The following CES1 variants were observed in gnomAD, a reference collection of about 807,000 sequenced individuals.
The protein encoded by CES1 is carboxylesterase 1.
In CES1, 50 loss-of-function variants were observed where a neutral mutation model predicts 53.0. The observed-to-expected ratio is 0.94, with a 90% CI of 0.75 to 1.19. The LOEUF (loss-of-function observed/expected upper bound fraction) is 1.19, where lower values mean the gene tolerates loss of function less well. Ranked by LOEUF, CES1 falls within the 50% of genes most tolerant of loss-of-function variation. The probability of loss-of-function intolerance (pLI) is 0.00; values close to 1 mark genes in which losing one functional copy is unlikely to be tolerated. For missense variants in CES1, 534 were observed against 538.0 expected (o/e 0.99, Z 0.07); for synonymous variants, 202 against 210.1 (o/e 0.96, Z 0.33).
chr16:55,828,910 G>A lies in CES1; in HGVS notation c.117C>T (p.Val39=), dbSNP rs756862012. ...TVHGKVLGKF[V]SLEGFAQPVA... is the part of the protein sequence containing the mutation. ...CAGGCTGTGCAAATCCTTCTAAGCT[G>A]ACGAACTTCCCCAGCACTTTGCCAT... Residue 39 remains valine (V), a synonymous_variant, in exon 2 of 14, where the codon GTC becomes GTT. Coordinates refer to ENST00000360526, the MANE Select transcript of CES1 (RefSeq NM_001025195.2). 5 of 1,614,074 alleles carry A rather than the reference G, an allele frequency of 3.1e-6. No individual in the cohort carries two copies. The highest frequency in any genetic ancestry group is 4.2e-6 in the Non-Finnish European group (5 of 1,180,008).
chr16:55,822,014 A>G (rs2032220456), intron 4 of CES1, among the ~76,000 whole-genome samples: 2 of 152,362 alleles, frequency 1.3e-5, no homozygotes, highest in South Asian at 2.1e-4. Context: ...AACAAGCACA[A>G]TGAGCACATG....
chr16:55,811,281 C>CGT (rs148271758), intron 9 of CES1, among the ~76,000 whole-genome samples: 176 of 149,888 alleles, frequency 1.2e-3, no homozygotes, highest in African/African-American at 3.9e-3. Context: ...TGTGTGCGCG[C>CGT]GTGTGTGTGT....
intron 1 of CES1, among the ~76,000 whole-genome samples, chr16:55,829,637 C>T (rs1212591532): frequency 1.3e-5 from 2 of 152,226 alleles, no homozygotes; most frequent in South Asian, 2.1e-4. Flanking sequence ...GGCCCACATG[C>T]ACCAGGTGGA....
In CES1 at chr16:55,812,958, G is replaced by A. The variant is rs1167334402; in HGVS notation, c.1031C>T (p.Thr344Ile). The change falls in exon 9 of 14, where the codon ACT (threonine) becomes ATT (isoleucine). Residue 344 changes from threonine (T) to isoleucine (I), a missense_variant. Physicochemically the swap from Thr to Ile is moderately conservative, Grantham distance 89. This residue lies in a region of CES1 where 269 missense variants were observed against 206.6 expected (regional missense o/e 1.30). Coordinates refer to ENST00000360526, the MANE Select transcript of CES1 (RefSeq NM_001025195.2). ...EELQAERNFH[T>I]VPYMVGINKQ... Reference sequence around the variant, plus strand: ...GTTAATTCCGACCATGTAGGGGACAGTGTGGAAATTCCTTTCAGCTTGAAG... The same window carrying A: ...GTTAATTCCGACCATGTAGGGGACAATGTGGAAATTCCTTTCAGCTTGAAG... 3.1e-6 allele frequency: 5 copies of A among 1,614,086 alleles called. No individual in the cohort carries two copies. The highest frequency in any genetic ancestry group is 2.2e-5 in the East Asian group (1 of 44,888).
At position 55,819,931 on chromosome 16, in the gene CES1, G is replaced by T. The variant is rs1255869624; in HGVS notation, c.802-292C>A. 84 of 569,856 alleles carry T rather than the reference G, an allele frequency of 1.5e-4. 1 individual carries two copies. Among genetic ancestry groups the T allele is most frequent in the Middle Eastern group, 1.4e-3 (3 of 2,100 alleles). The allele number at this position is 569,856 out of a possible 1,614,324, so 35.3% of individuals were successfully genotyped here. Reference sequence around the variant, plus strand: ...GTCAAGAAATGTGAGGTGGAGCTGGGATAGAGAGCATGGAATCCTGAATTT... The same window carrying T: ...GTCAAGAAATGTGAGGTGGAGCTGGTATAGAGAGCATGGAATCCTGAATTT... On this transcript the variant is annotated intron_variant, in intron 6 of 13. Coordinates refer to ENST00000360526, the MANE Select transcript of CES1 (RefSeq NM_001025195.2).
chr16:55,826,737 TAA>T (rs2142349755), intron 2 of CES1, among the ~76,000 whole-genome samples: 1 of 152,302 alleles, frequency 6.6e-6, no homozygotes, highest in East Asian at 1.9e-4. Context: ...CCGCCAGGTC[TAA>T]GTGAGCGGAG....
intron 9 of CES1, among the ~76,000 whole-genome samples, chr16:55,811,561 C>T (rs1261507660): frequency 2.0e-5 from 3 of 152,184 alleles, no homozygotes; most frequent in Non-Finnish European, 4.4e-5. Context: ...CTCGACCAAT[C>T]TCTAGCATTG....
rs74322122 is a variant in CES1, at chr16:55,810,516, C to T, written c.1318+1G>A. On this transcript the variant is annotated splice_donor_variant, in intron 11 of 13. Transcript: ENST00000360526. LOFTEE classifies it high-confidence loss of function. Reference sequence around the variant, plus strand: ...CCTCCCGTTCGACCTCTGGGACTCACCTCTGTGGTTCCGGGCCACAATCAC... The same window carrying T: ...CCTCCCGTTCGACCTCTGGGACTCATCTCTGTGGTTCCGGGCCACAATCAC... 1 of 1,614,154 alleles carries T rather than the reference C, an allele frequency of 6.2e-7. No individual in the cohort carries two copies. The highest frequency in any genetic ancestry group is 1.1e-5 in the South Asian group (1 of 91,088).
At chr16:55,832,898 A>G (rs1256581618) in intron 1 of CES1, 106 bp downstream of exon 1, 7 of 1,075,754 alleles carry the variant, frequency 6.5e-6, no homozygotes, top group Admixed American at 5.1e-5. Flanking sequence ...GCCCCGCCGC[A>G]GAGCCGGACC....
At chr16:55,811,934 A>C (rs562675643) in intron 9 of CES1, among the ~76,000 whole-genome samples, 4 of 152,286 alleles carry the variant, frequency 2.6e-5, no homozygotes, top group South Asian at 4.1e-4. Context: ...CCTGTCCTAA[A>C]GATAAGAGGA....
chr16:55,809,651 A>T (rs2031599926), intron 11 of CES1, among the ~76,000 whole-genome samples: 2 of 152,096 alleles, frequency 1.3e-5, no homozygotes, highest in African/African-American at 4.8e-5. Flanking sequence ...ACGCACTGAG[A>T]TGCATAAAAA....
chr16:55,821,074 A>AAGAG (rs59890072), intron 5 of CES1, among the ~76,000 whole-genome samples: 88,770 of 148,522 alleles, frequency 0.6, 27,032 homozygotes, highest in Non-Finnish European at 0.67. Flanking sequence ...GAGAGAGAGA[A>AAGAG]AGAGAGAGAG....
intron 7 of CES1, 27 bp from the exon 8 acceptor site, chr16:55,816,989 G>A: frequency 8.1e-6 from 13 of 1,614,004 alleles, no homozygotes; most frequent in Non-Finnish European, 1.1e-5. Flanking sequence ...AGAGGATGTG[G>A]GTGAGAGGCT....
chr16:55,808,496 T>C (rs2168610), intron 11 of CES1, among the ~76,000 whole-genome samples: 104,000 of 150,958 alleles, frequency 0.69, 37,475 homozygotes, highest in Non-Finnish European at 0.81. Flanking sequence ...TAATTTTTAA[T>C]CTTAGCATCC....
intron 7 of CES1, among the ~76,000 whole-genome samples, chr16:55,818,498 T>C (rs1400404383): frequency 6.6e-6 from 1 of 152,080 alleles, no homozygotes; most frequent in Non-Finnish European, 1.5e-5. Flanking sequence ...AAAGATAAGG[T>C]GGAGTCAGGA....
rs1161520792 is a variant in CES1, at chr16:55,820,394, C to A, written c.779G>T (p.Gly260Val). 4 of 1,594,556 alleles carry A rather than the reference C, an allele frequency of 2.5e-6. No homozygotes were observed. Among genetic ancestry groups the A allele is most frequent in the Non-Finnish European group, 3.4e-6 (4 of 1,166,514 alleles). The change falls in exon 6 of 14, where the codon GGT becomes GTT. Residue 260 changes from glycine to valine, a missense_variant. Physicochemically the swap from Gly to Val is moderately radical, Grantham distance 109. This residue lies in a region of CES1 where 12 missense variants were observed against 37.2 expected (regional missense o/e 0.32). Transcript: ENST00000360526. The part of the protein sequence containing the change: ...VALTSVLVKK[G>V]DVKPLAEQIA... The stretch of plus-strand genomic sequence containing the variant: ...TACCTCAGCCAAGGGCTTGACATCA[C>A]CTTTCTTCACCAGAACAGAAGTGAG...
chr16:55,812,820 G>C, intron 9 of CES1, 83 bp downstream of exon 9: 2 of 1,581,530 alleles, frequency 1.3e-6, no homozygotes, highest in South Asian at 1.1e-5. Context: ...AGTGCAGCTC[G>C]GAGAGGGAAG....
chr16:55,811,648 G>T (rs1171843172), intron 9 of CES1, among the ~76,000 whole-genome samples: 3 of 152,100 alleles, frequency 2.0e-5, no homozygotes, highest in Non-Finnish European at 4.4e-5. Context: ...GCTCAACCCT[G>T]CCAGGACAAT....
intron 4 of CES1, among the ~76,000 whole-genome samples, chr16:55,823,349 G>C (rs1449534703): frequency 6.6e-6 from 1 of 152,176 alleles, no homozygotes; most frequent in Non-Finnish European, 1.5e-5. Context: ...CAGGCAGAGG[G>C]AACAGCACAT....
Sources: gnomAD v4.1 joint callset for allele counts (sites outside exome capture counted in the v4.1 genomes callset) on GRCh38, gnomAD v4.1.1 for gene constraint, gnomAD v4.1.1 regional missense constraint, MANE v1.5 for transcripts, NCBI Gene and HGNC (gene_info 2026-07-23, HGNC 2026-07-21) for gene names.